The following HTR3B variants were observed in gnomAD, a reference collection of about 807,000 sequenced individuals.
HTR3B encodes 5-hydroxytryptamine receptor 3B.
HTR3B carries 44 observed loss-of-function variants against 42.8 expected under a neutral mutation model. That is an observed-to-expected ratio of 1.03 (90% CI 0.81 to 1.32). HTR3B has a LOEUF of 1.32. HTR3B is among the 40% of genes most tolerant of loss of function. The pLI, the probability that HTR3B is intolerant of heterozygous loss-of-function variation, is 0.00. For missense variants in HTR3B, 527 were observed against 536.5 expected, an observed-to-expected ratio of 0.98 and a Z score of 0.17; for synonymous variants, 203 against 209.0, an observed-to-expected ratio of 0.97 and a Z score of 0.25.
intron 2 of HTR3B, among the ~76,000 whole-genome samples, chr11:113,922,446 C>G (rs1664253533): frequency 6.6e-6 from 1 of 152,038 alleles, no homozygotes; most frequent in African/African-American, 2.4e-5. Flanking sequence ...GTTGCCCAGG[C>G]TGGTCTCGAA....
At chr11:113,937,078 C>A (rs1454196506) in intron 6 of HTR3B, among the ~76,000 whole-genome samples, 1 of 152,178 alleles carries the variant, frequency 6.6e-6, no homozygotes, top group East Asian at 1.9e-4. Context: ...AACTAAAGTG[C>A]TTTTTCTTCC....
intron 8 of HTR3B, 29 bp downstream of exon 8, chr11:113,944,784 C>T (rs146568710): frequency 2.7e-5 from 43 of 1,600,992 alleles, no homozygotes; most frequent in Admixed American, 5.1e-5. Context: ...GTTTCTCCCC[C>T]GTCTGGATTG....
intron 2 of HTR3B, among the ~76,000 whole-genome samples, chr11:113,910,560 C>A (rs1364670293): frequency 6.6e-6 from 1 of 151,850 alleles, no homozygotes; most frequent in Admixed American, 6.6e-5. Context: ...CCTGCCTTAG[C>A]CTACCTAGTA....
chr11:113,905,210 T>C (rs931422625), intron 1 of HTR3B, among the ~76,000 whole-genome samples: 2 of 152,212 alleles, frequency 1.3e-5, no homozygotes, highest in East Asian at 3.8e-4. Context: ...GTGGGGCTTT[T>C]TACACATAGC....
At chr11:113,931,599 G>T (rs1950035272) in intron 3 of HTR3B, among the ~76,000 whole-genome samples, 159 bp from the exon 4 acceptor site, 1 of 152,066 alleles carries the variant, frequency 6.6e-6, no homozygotes, top group Non-Finnish European at 1.5e-5. Flanking sequence ...TTCTGGTTGG[G>T]ACTACCATCT....
intron 2 of HTR3B, among the ~76,000 whole-genome samples, chr11:113,919,877 C>T (rs537485529): frequency 2.6e-5 from 4 of 151,680 alleles, no homozygotes; most frequent in Non-Finnish European, 2.9e-5. Context: ...AAAAAGAGTA[C>T]AAGGTTTAAA....
chr11:113,944,090 G>A (rs961335284), intron 7 of HTR3B, among the ~76,000 whole-genome samples: 9 of 148,308 alleles, frequency 6.1e-5, no homozygotes, highest in East Asian at 2.0e-4. Flanking sequence ...TGTGATCTCC[G>A]CTCCCTGCAA....
chr11:113,905,593 T>A (rs2137480371), intron 1 of HTR3B, among the ~76,000 whole-genome samples: 1 of 152,324 alleles, frequency 6.6e-6, no homozygotes, highest in East Asian at 1.9e-4. Flanking sequence ...CTTTTTTTTC[T>A]AAATTTCTAG....
chr11:113,909,934 T>C (rs916889922), intron 2 of HTR3B, among the ~76,000 whole-genome samples: 1 of 135,098 alleles, frequency 7.4e-6, no homozygotes, highest in Admixed American at 9.1e-5. Context: ...CAATGAGCCA[T>C]GATCATGCCA....
Position 113,931,763 on chromosome 11 carries a change from G to C in HTR3B, c.264G>C (p.Trp88Cys). The change falls in exon 4 of 9, where the codon TGG (tryptophan) becomes TGC (cysteine). Residue 88 changes from tryptophan to cysteine, a missense_variant. By Grantham distance (215) the Trp-to-Cys change is radical (BLOSUM62 -2). Coordinates refer to ENST00000260191, the MANE Select transcript of HTR3B (RefSeq NM_006028.5). Reference sequence around the variant, plus strand: ...TTTTTGGCTACTACTAACAGGTCTGGAATGATGAATTTTTATCCTGGAACT... The same window carrying C: ...TTTTTGGCTACTACTAACAGGTCTGCAATGATGAATTTTTATCCTGGAACT... ...LKTSVWYQEV[W>C]NDEFLSWNSS... is the part of the protein sequence containing the mutation. The C allele has an allele frequency of 6.2e-7, 1 of 1,600,536 alleles. No individual in the cohort carries two copies. Among genetic ancestry groups the C allele is most frequent in the Non-Finnish European group, 8.6e-7 (1 of 1,167,618 alleles).
chr11:113,945,511 G>A (rs557987881), intron 8 of HTR3B, among the ~76,000 whole-genome samples: 1 of 152,162 alleles, frequency 6.6e-6, no homozygotes, highest in African/African-American at 2.4e-5. Context: ...ATAGCACAGT[G>A]CTGGCATGCA....
intron 2 of HTR3B, among the ~76,000 whole-genome samples, chr11:113,927,341 G>T (rs1446166469): frequency 6.6e-6 from 1 of 151,906 alleles, no homozygotes; most frequent in Admixed American, 6.6e-5. Context: ...ATATTTCTTT[G>T]TGGGACAGCT....
At chr11:113,943,219 C>A in intron 7 of HTR3B, 27 bp downstream of exon 7, 1 of 1,546,946 alleles carries the variant, frequency 6.5e-7, no homozygotes, top group Non-Finnish European at 8.9e-7. Flanking sequence ...TCACTGGACA[C>A]TCATCTTACA....
At chr11:113,903,428 C>CTT (rs57289369), upstream of HTR3B, among the ~76,000 whole-genome samples, 15 of 121,074 alleles carry the variant, frequency 1.2e-4, no homozygotes, top group South Asian at 5.4e-4. Flanking sequence ...CTTTTCTTTT[C>CTT]TTTTTTTTTT....
intron 2 of HTR3B, among the ~76,000 whole-genome samples, chr11:113,924,699 A>G (rs1345869725): frequency 2.0e-5 from 3 of 146,898 alleles, no homozygotes; most frequent in South Asian, 2.1e-4. Flanking sequence ...CTTTTTTTTC[A>G]GCTACCAGGA....
In HTR3B at chr11:113,931,348, C is replaced by G. The variant is rs773480005; in HGVS notation, c.214-36C>G. 3.9e-6 allele frequency: 6 copies of G among 1,533,234 alleles called. No individual in the cohort carries two copies. In the African/African-American group the frequency reaches 4.1e-5, roughly 11 times the overall value. The allele number at this position is 1,533,234 out of a possible 1,614,324, so 95.0% of individuals were successfully genotyped here. ...AATTGGCCTTTGATTTATTGACATT[C>G]TAAGATTTGGAGTGGATTTTCTTTT... On this transcript the variant is annotated intron_variant, in intron 2 of 8. Coordinates refer to ENST00000260191, the MANE Select transcript of HTR3B (RefSeq NM_006028.5).
chr11:113,906,565 T>G (rs1245795649), intron 1 of HTR3B, among the ~76,000 whole-genome samples: 2 of 152,194 alleles, frequency 1.3e-5, no homozygotes, highest in Non-Finnish European at 2.9e-5. Flanking sequence ...TTCTGTCCAA[T>G]AATATACTCC....
intron 6 of HTR3B, among the ~76,000 whole-genome samples, chr11:113,934,456 GGAAAGAAAGAAAGAAAAAA>G (rs1279040034): frequency 1.0e-4 from 15 of 150,570 alleles, no homozygotes; most frequent in African/African-American, 3.7e-4. Context: ...AAAGAAAGAA[GGAAAGAAAGAAAGAAAAAA>G]GAAAGAAAGA....
rs1950194853 is a variant in HTR3B, at chr11:113,948,398, G to C, written c.*2261G>C. Among the ~76,000 whole-genome samples, 1 of 152,200 alleles carries C rather than the reference G, an allele frequency of 6.6e-6. No individual in the cohort carries two copies. Among genetic ancestry groups the C allele is most frequent in the South Asian group, 2.1e-4 (1 of 4,834 alleles). On this transcript the variant is annotated 3_prime_UTR_variant, in exon 9 of 9. Transcript: ENST00000260191. ...GAGAAAGCACCAGTGTCAGAGTCAG[G>C]AGTCCTGATGATTACGGTCCTGGCT...
Sources: gnomAD v4.1 joint callset for allele counts (sites outside exome capture counted in the v4.1 genomes callset) on GRCh38, gnomAD v4.1.1 for gene constraint, MANE v1.5 for transcripts, NCBI Gene and HGNC (gene_info 2026-07-23, HGNC 2026-07-21) for gene names.